Variants in XRN2 observed in about 807,000 individuals in gnomAD.
XRN2 encodes 5'-3' exoribonuclease 2.
Under a neutral mutation model 138.5 loss-of-function variants are expected in XRN2, and 44 were observed. That is an observed-to-expected ratio of 0.32 (90% CI 0.25 to 0.41). XRN2 has a LOEUF of 0.41. Ranked by LOEUF, XRN2 falls within the 10% of genes least tolerant of loss-of-function variation. XRN2 has a pLI of 1.00. For synonymous variants in XRN2, 354 were observed against 369.4 expected, an observed-to-expected ratio of 0.96 and a Z score of 0.48; for missense variants, 937 against 1,169.3, an observed-to-expected ratio of 0.80 and a Z score of 2.90.
At chr20:21,325,485 T>C (rs1270404192) in intron 1 of XRN2, among the ~76,000 whole-genome samples, 2 of 152,174 alleles carry the variant, frequency 1.3e-5, no homozygotes, top group Admixed American at 6.5e-5. Flanking sequence ...TTGGGAGATA[T>C]GTACAAGGTG....
At chr20:21,355,677 A>G (rs1865112059) in intron 21 of XRN2, among the ~76,000 whole-genome samples, 1 of 152,030 alleles carries the variant, frequency 6.6e-6, no homozygotes. Context: ...CACATCACGC[A>G]TTTAGATCTA....
At chr20:21,375,350 G>A (rs571669879) in intron 27 of XRN2, among the ~76,000 whole-genome samples, 1 of 150,894 alleles carries the variant, frequency 6.6e-6, no homozygotes, top group East Asian at 1.9e-4. Flanking sequence ...CTACTTTTTT[G>A]GGGGATTAAA....
At chr20:21,345,431 G>A (rs1489800514) in intron 16 of XRN2, among the ~76,000 whole-genome samples, 1 of 152,132 alleles carries the variant, frequency 6.6e-6, no homozygotes, top group East Asian at 1.9e-4. Context: ...ACTCCTTTGT[G>A]TTGTGGGAGG....
At chr20:21,310,995 C>CGCGCCT (rs2037873248) in intron 1 of XRN2, among the ~76,000 whole-genome samples, 1 of 152,088 alleles carries the variant, frequency 6.6e-6, no homozygotes, top group African/African-American at 2.4e-5. Context: ...TCGTGATCTG[C>CGCGCCT]CCGCCTCTGC....
intron 20 of XRN2, among the ~76,000 whole-genome samples, chr20:21,350,903 T>G (rs6047396): frequency 0.68 from 103,034 of 152,008 alleles, 35,668 homozygotes; most frequent in South Asian, 0.84. Context: ...TGCTTCATGA[T>G]CATGTATTAT....
intron 15 of XRN2, among the ~76,000 whole-genome samples, chr20:21,342,458 A>AT (rs532598390): frequency 9.1e-4 from 138 of 152,348 alleles, no homozygotes; most frequent in African/African-American, 3.3e-3. Flanking sequence ...TTAGCATTAA[A>AT]TGGTGAACAG....
intron 1 of XRN2, among the ~76,000 whole-genome samples, chr20:21,317,031 A>G (rs566802693): frequency 1.3e-5 from 2 of 152,322 alleles, no homozygotes; most frequent in East Asian, 1.9e-4. Context: ...TTCTATATAC[A>G]CAATCATGTC....
At chr20:21,337,724 A>G (rs2038315236) in intron 13 of XRN2, among the ~76,000 whole-genome samples, 1 of 152,142 alleles carries the variant, frequency 6.6e-6, no homozygotes, top group South Asian at 2.1e-4. Flanking sequence ...CCAAGGTTTG[A>G]TTTTTCACAC....
chr20:21,379,246 C>G (rs2038857551), intron 27 of XRN2, among the ~76,000 whole-genome samples: 1 of 152,170 alleles, frequency 6.6e-6, no homozygotes, highest in Admixed American at 6.5e-5. Flanking sequence ...TTCACTGTCT[C>G]AGAATTTTTT....
chr20:21,333,689 C>T lies in XRN2; in HGVS notation c.934-15C>T. 1 of 1,614,024 alleles carries T rather than the reference C, an allele frequency of 6.2e-7. No individual in the cohort carries two copies. The highest frequency in any genetic ancestry group is 8.5e-7 in the Non-Finnish European group (1 of 1,179,986). ...CTTTGATAGCTGTAATGGCAGCATT[C>T]CTTTTTGGTTGTAGTATTTGGAAAG... On this transcript the variant is annotated splice_polypyrimidine_tract_variant and intron_variant, in intron 10 of 29. Coordinates refer to ENST00000377191, the MANE Select transcript of XRN2 (RefSeq NM_012255.5).
intron 1 of XRN2, among the ~76,000 whole-genome samples, chr20:21,313,781 G>T (rs549152042): frequency 1.3e-5 from 2 of 152,102 alleles, no homozygotes; most frequent in Non-Finnish European, 2.9e-5. Flanking sequence ...CCATTTCATT[G>T]AGTACTACTT....
chr20:21,388,233 C>G (rs6075799), intron 29 of XRN2, among the ~76,000 whole-genome samples: 1 of 152,230 alleles, frequency 6.6e-6, no homozygotes, highest in Non-Finnish European at 1.5e-5. Context: ...AGCTGGCTGC[C>G]TAGACTGCTG....
At chr20:21,375,285 C>T (rs1002254111) in intron 27 of XRN2, among the ~76,000 whole-genome samples, 1 of 150,568 alleles carries the variant, frequency 6.6e-6, no homozygotes, top group Non-Finnish European at 1.5e-5. Context: ...TGTTCTTTTC[C>T]CTCCATGTAC....
At chr20:21,354,493 G>A (rs2038552179) in intron 20 of XRN2, among the ~76,000 whole-genome samples, 1 of 152,146 alleles carries the variant, frequency 6.6e-6, no homozygotes, top group Non-Finnish European at 1.5e-5. Context: ...TGGTATCCAG[G>A]TAGCCATTTG....
chr20:21,356,813 G>A (rs1476116876), intron 23 of XRN2, 148 bp downstream of exon 23: 1 of 721,618 alleles, frequency 1.4e-6, no homozygotes, highest in African/African-American at 1.8e-5. Flanking sequence ...AAAATGCTTG[G>A]GTTCAAAGCC....
chr20:21,310,421 GA>G (rs1250795688), intron 1 of XRN2, among the ~76,000 whole-genome samples: 1 of 152,074 alleles, frequency 6.6e-6, no homozygotes, highest in Non-Finnish European at 1.5e-5. Flanking sequence ...ATAACTTTTG[GA>G]TTTTTCTGTT....
At chr20:21,357,621 T>C (rs1452319967) in intron 23 of XRN2, 115 bp from the exon 24 acceptor site, 1 of 722,800 alleles carries the variant, frequency 1.4e-6, no homozygotes, top group Non-Finnish European at 2.1e-6. Flanking sequence ...TTTTTGTTAG[T>C]GCATTCTAAT....
At chr20:21,364,944 G>A (rs555251560) in intron 24 of XRN2, among the ~76,000 whole-genome samples, 25 of 151,932 alleles carry the variant, frequency 1.6e-4, no homozygotes, top group African/African-American at 5.3e-4. Context: ...CATCCCCCCC[G>A]CACCATAGAT....
At chr20:21,322,249 A>AT (rs2038056442) in intron 1 of XRN2, among the ~76,000 whole-genome samples, 1 of 152,228 alleles carries the variant, frequency 6.6e-6, no homozygotes, top group South Asian at 2.1e-4. Flanking sequence ...CTAACGTCGT[A>AT]TAAAAATGAA....
Sources: allele counts gnomAD v4.1 joint callset (sites outside exome capture counted in the v4.1 genomes callset), GRCh38; gene constraint gnomAD v4.1.1; transcripts MANE v1.5; gene names NCBI Gene and HGNC (gene_info 2026-07-23, HGNC 2026-07-21).